The following BCR variants were observed in gnomAD, a reference collection of about 807,000 sequenced individuals.
The protein encoded by BCR is breakpoint cluster region protein.
A neutral mutation model predicts 138.6 loss-of-function variants in BCR; 58 were observed. The observed-to-expected ratio is 0.42, with a 90% CI of 0.34 to 0.52. The LOEUF is 0.52. BCR is among the 20% of genes least tolerant of loss of function. The pLI, the probability that BCR is intolerant of heterozygous loss-of-function variation, is 0.06. For missense variants in BCR, 1,599 were observed against 1,727.2 expected, an observed-to-expected ratio of 0.93 and a Z score of 1.32; for synonymous variants, 786 against 730.1, an observed-to-expected ratio of 1.08 and a Z score of -1.23.
At chr22:23,273,039 T>G (rs763453454) in intron 6 of BCR, 42 bp from the exon 7 acceptor site, 1 of 1,604,124 alleles carries the variant, frequency 6.2e-7, no homozygotes, top group Admixed American at 1.7e-5. Flanking sequence ...CTGGTGTGCT[T>G]CTCCATGTGC....
intron 1 of BCR, among the ~76,000 whole-genome samples, chr22:23,239,166 C>G (rs2073059694): frequency 6.6e-6 from 1 of 152,140 alleles, no homozygotes; most frequent in Non-Finnish European, 1.5e-5. Flanking sequence ...CCCTCAGGCC[C>G]TGTGTGGGAA....
At chr22:23,256,712 G>C (rs1418226828) in intron 2 of BCR, among the ~76,000 whole-genome samples, 1 of 152,294 alleles carries the variant, frequency 6.6e-6, no homozygotes, top group Admixed American at 6.5e-5. Flanking sequence ...GGAGGGACTA[G>C]AAGGGGCCTC....
chr22:23,181,128 G>T lies in BCR; in HGVS notation c.168G>T (p.Met56Ile). ...EQEVNQERFRMIYLQTLLAKE... is the reference protein window; with the variant it reads ...EQEVNQERFRIIYLQTLLAKE... ...AGGTGAACCAGGAGCGCTTCCGCAT[G>T]ATCTACCTGCAGACGTTGCTGGCCA... Residue 56 changes from methionine (M) to isoleucine (I), a missense_variant, in exon 1 of 23, where the codon ATG becomes ATT. Met to Ile is a conservative substitution (Grantham distance 10). Coordinates refer to ENST00000305877, the MANE Select transcript of BCR (RefSeq NM_004327.4). 1 of 1,494,654 alleles carries T rather than the reference G, an allele frequency of 6.7e-7. No homozygotes were observed. Among genetic ancestry groups the T allele is most frequent in the Non-Finnish European group, 9.0e-7 (1 of 1,113,710 alleles). 92.6% of individuals were successfully genotyped at this position (1,494,654 alleles called of 1,614,324 possible).
At position 23,263,730 on chromosome 22, in the gene BCR, G is replaced by A. The variant is rs1484883264; in HGVS notation, c.1752+2190G>A. The A allele has an allele frequency of 9.8e-6, 14 of 1,424,320 alleles. No homozygotes were observed. The East Asian group carries it at 2.7e-4, about 28-fold the overall frequency. 88.2% of individuals were successfully genotyped at this position (1,424,320 alleles called of 1,614,324 possible). On this transcript the variant is annotated intron_variant, in intron 4 of 22. Transcript: ENST00000305877. Reference sequence around the variant, plus strand: ...AGTACTGGGCTCATGAACAGGAGGTGAACTGTGTGGATTGCAAAGGGGGCA... The same window carrying A: ...AGTACTGGGCTCATGAACAGGAGGTAAACTGTGTGGATTGCAAAGGGGGCA...
chr22:23,263,398 G>A, intron 4 of BCR: 1 of 1,249,844 alleles, frequency 8.0e-7, no homozygotes, highest in Non-Finnish European at 1.2e-6. Context: ...CTGATGACCA[G>A]TGTCCCAGTG....
At chr22:23,273,185 A>T (rs2073529766) in intron 7 of BCR, 52 bp downstream of exon 7, 1 of 1,573,034 alleles carries the variant, frequency 6.4e-7, no homozygotes, top group Admixed American at 1.7e-5. Flanking sequence ...CCTCGGGCAC[A>T]CACAGCAACA....
chr22:23,254,471 G>A (rs1039494281), intron 2 of BCR: 1 of 518,590 alleles, frequency 1.9e-6, no homozygotes, highest in Non-Finnish European at 3.8e-6. Flanking sequence ...AGGTGAAACT[G>A]AAGTCCAGTG....
intron 8 of BCR, among the ~76,000 whole-genome samples, chr22:23,277,093 TTC>T (rs2146292843): frequency 1.3e-5 from 2 of 152,380 alleles, no homozygotes; most frequent in South Asian, 4.1e-4. Flanking sequence ...TCCAGGCTAC[TTC>T]CTCTTAGAAT....
intron 2 of BCR, among the ~76,000 whole-genome samples, chr22:23,255,520 G>A (rs910065021): frequency 5.3e-5 from 8 of 152,212 alleles, no homozygotes; most frequent in Non-Finnish European, 1.2e-4. Flanking sequence ...GTACAAAGAA[G>A]GACCAAGTTC....
intron 1 of BCR, among the ~76,000 whole-genome samples, chr22:23,238,320 T>A (rs1435087744): frequency 6.6e-6 from 1 of 152,098 alleles, no homozygotes; most frequent in Non-Finnish European, 1.5e-5. Flanking sequence ...GTGCACAGAT[T>A]TTCCGGGGGA....
chr22:23,253,571 G>A (rs1272420165), intron 1 of BCR, among the ~76,000 whole-genome samples: 2 of 152,200 alleles, frequency 1.3e-5, no homozygotes, highest in East Asian at 1.9e-4. Context: ...AGGGGCAGAC[G>A]TATCTCAGAA....
At chr22:23,255,505 G>A (rs2073283165) in intron 2 of BCR, among the ~76,000 whole-genome samples, 2 of 152,202 alleles carry the variant, frequency 1.3e-5, no homozygotes, top group African/African-American at 2.4e-5. Flanking sequence ...TGTGAGCGTG[G>A]TTTGGTACAA....
At chr22:23,248,343 C>G (rs1057232283) in intron 1 of BCR, among the ~76,000 whole-genome samples, 1 of 146,500 alleles carries the variant, frequency 6.8e-6, no homozygotes, top group Non-Finnish European at 1.5e-5. Flanking sequence ...AGTGAGACTC[C>G]ATCTCAAAAA....
At chr22:23,290,686 G>T in intron 14 of BCR, 1 of 466,644 alleles carries the variant, frequency 2.1e-6, no homozygotes, top group Non-Finnish European at 4.0e-6. Context: ...TAATTGCAGG[G>T]GTTTGGCAAG....
rs575385272 is a variant in BCR at position 23,284,170 on chromosome 22, A to G, written c.2237+72A>G. The G allele has an allele frequency of 3.7e-4, 592 of 1,582,312 alleles. 4 individuals are homozygous for G. Among genetic ancestry groups the G allele is most frequent in the Admixed American group, 1.4e-3 (74 of 53,802 alleles). On this transcript the variant is annotated intron_variant, in intron 9 of 22. Coordinates refer to ENST00000305877, the MANE Select transcript of BCR (RefSeq NM_004327.4). The stretch of plus-strand genomic sequence containing the variant: ...TCTCCAGGTCATGGAGGGTCTTGTC[A>G]TGGCGGAGGTCAGTGGTGATGTAGC...
intron 10 of BCR, among the ~76,000 whole-genome samples, chr22:23,286,848 A>G (rs2073719715): frequency 6.6e-6 from 1 of 152,182 alleles, no homozygotes; most frequent in Non-Finnish European, 1.5e-5. Flanking sequence ...AATTTGGGAA[A>G]ATGAAAGGCA....
chr22:23,196,857 A>G (rs776946869), intron 1 of BCR, among the ~76,000 whole-genome samples: 4 of 152,164 alleles, frequency 2.6e-5, no homozygotes, highest in Admixed American at 6.5e-5. Context: ...CTCTCCGCCT[A>G]CCGCTCACCT....
At chr22:23,198,337 TG>T in intron 1 of BCR, 1 of 441,156 alleles carries the variant, frequency 2.3e-6, no homozygotes, top group Non-Finnish European at 4.4e-6. Flanking sequence ...AGGGGACTGG[TG>T]GGCTGGAGTC....
At chr22:23,209,290 G>A (rs2072652915) in intron 1 of BCR, among the ~76,000 whole-genome samples, 1 of 151,842 alleles carries the variant, frequency 6.6e-6, no homozygotes, top group Admixed American at 6.6e-5. Flanking sequence ...AGCCCCAGAG[G>A]TGAAGGTTGC....
Sources: gnomAD v4.1 joint callset for allele counts (sites outside exome capture counted in the v4.1 genomes callset) on GRCh38, gnomAD v4.1.1 for gene constraint, MANE v1.5 for transcripts, NCBI Gene and HGNC (gene_info 2026-07-23, HGNC 2026-07-21) for gene names.